PCDH9: variants seen among roughly 807,000 people sequenced by gnomAD.
The protein encoded by PCDH9 is protocadherin 9.
A neutral mutation model predicts 70.6 loss-of-function variants in PCDH9; 24 were observed. That is an observed-to-expected ratio of 0.34 (90% CI 0.25 to 0.48). The LOEUF (loss-of-function observed/expected upper bound fraction) is 0.48, where lower values mean the gene tolerates loss of function less well. Ranked by LOEUF, PCDH9 falls within the 20% of genes least tolerant of loss-of-function variation. The pLI is 0.99. For synonymous variants in PCDH9, 562 were observed against 558.5 expected (o/e 1.01, Z -0.09); for missense variants, 1,281 against 1,503.6 (o/e 0.85, Z 2.45).
chr13:66,893,476 T>A (rs988902209), intron 3 of PCDH9, among the ~76,000 whole-genome samples: 2 of 152,172 alleles, frequency 1.3e-5, no homozygotes, highest in African/African-American at 4.8e-5. Context: ...TCTTGATGCC[T>A]TCACTTATTC....
chr13:66,596,338 G>T (rs1162656240), intron 4 of PCDH9, among the ~76,000 whole-genome samples: 1 of 151,534 alleles, frequency 6.6e-6, no homozygotes, highest in African/African-American at 2.4e-5. Flanking sequence ...AAATTGAACA[G>T]TGTCCATTTG....
Position 67,150,365 on chromosome 13 carries a change from A to T in PCDH9, c.3036+75040T>A, listed in dbSNP as rs2138383586. On this transcript the variant is annotated intron_variant, in intron 2 of 4. Coordinates refer to ENST00000377865, the MANE Select transcript of PCDH9 (RefSeq NM_203487.3). ...AATTTGAGTTTTAATCAATACAAAA[A>T]GCCCAAAGTGTTGGTTTCCATACAA... is the stretch of plus-strand genomic sequence containing the variant. Among the ~76,000 whole-genome samples the T allele has an allele frequency of 2.0e-5, 3 of 152,314 alleles. 1 individual carries two copies. In the South Asian group the frequency reaches 6.2e-4, roughly 32 times the overall value.
At chr13:66,659,298 A>T (rs2077974106) in intron 3 of PCDH9, among the ~76,000 whole-genome samples, 2 of 152,178 alleles carry the variant, frequency 1.3e-5, no homozygotes, top group Admixed American at 6.5e-5. Context: ...ATAAGTATTG[A>T]CTAAATCATA....
chr13:66,835,558 A>C (rs1478981162), intron 3 of PCDH9, among the ~76,000 whole-genome samples: 3 of 152,344 alleles, frequency 2.0e-5, no homozygotes, highest in African/African-American at 7.2e-5. Context: ...GATGATCTGC[A>C]GTTCTATTTT....
At chr13:66,523,004 T>C (rs578243950) in intron 4 of PCDH9, among the ~76,000 whole-genome samples, 1 of 152,224 alleles carries the variant, frequency 6.6e-6, no homozygotes, top group Admixed American at 6.6e-5. Flanking sequence ...GGACTGAAAT[T>C]ACAGTCTCTG....
chr13:66,877,654 T>C (rs1207539139), intron 3 of PCDH9, among the ~76,000 whole-genome samples: 1 of 152,196 alleles, frequency 6.6e-6, no homozygotes, highest in Non-Finnish European at 1.5e-5. Context: ...AGGCATCTTA[T>C]GGTTAGTTTT....
rs578218229 is a variant in PCDH9, at chr13:67,105,228, C to T, written c.3036+120177G>A. On this transcript the variant is annotated intron_variant, in intron 2 of 4. Coordinates refer to ENST00000377865, the MANE Select transcript of PCDH9 (RefSeq NM_203487.3). ...GCAAAAGAACAAAAATATAGAAGAT[C>T]GTAATATTTTTGTTCTAAGAATAAA... Among the ~76,000 whole-genome samples the T allele has an allele frequency of 5.3e-5, 8 of 151,944 alleles. No homozygotes were observed. The South Asian group carries it at 8.4e-4, about 16-fold the overall frequency.
intron 3 of PCDH9, among the ~76,000 whole-genome samples, chr13:66,873,503 T>TTGTGGGCTTGATAG (rs2081736916): frequency 1.3e-5 from 2 of 152,200 alleles, no homozygotes; most frequent in Non-Finnish European, 2.9e-5. Flanking sequence ...GGGCTTGATA[T>TTGTGGGCTTGATAG]TCTACTGTGG....
At chr13:66,628,986 C>G (rs2077535150) in intron 4 of PCDH9, among the ~76,000 whole-genome samples, 1 of 152,164 alleles carries the variant, frequency 6.6e-6, no homozygotes, top group African/African-American at 2.4e-5. Context: ...AAATCTCTAA[C>G]TCAATTAGTT....
chr13:67,175,944 A>G (rs1290022402), intron 2 of PCDH9, among the ~76,000 whole-genome samples: 1 of 139,890 alleles, frequency 7.1e-6, no homozygotes, highest in East Asian at 2.1e-4. Context: ...CAAGTAAACC[A>G]TTAAAAAAAA....
intron 4 of PCDH9, among the ~76,000 whole-genome samples, chr13:66,433,069 AT>A (rs1220859920): frequency 6.6e-6 from 1 of 151,970 alleles, no homozygotes; most frequent in Non-Finnish European, 1.5e-5. Flanking sequence ...TATTGTTCTT[AT>A]TAATCTGTGA....
At chr13:67,084,917 A>C (rs2086065044) in intron 2 of PCDH9, among the ~76,000 whole-genome samples, 1 of 132,150 alleles carries the variant, frequency 7.6e-6, no homozygotes, top group South Asian at 2.7e-4. Context: ...CAGTGAGCCG[A>C]GATCACACCA....
At chr13:66,656,690 G>A (rs528021599) in intron 3 of PCDH9, among the ~76,000 whole-genome samples, 5 of 152,208 alleles carry the variant, frequency 3.3e-5, no homozygotes, top group South Asian at 2.1e-4. Flanking sequence ...AAAAGGAGCC[G>A]CTAAGAGTTA....
chr13:67,112,110 A>G (rs2086669945), intron 2 of PCDH9, among the ~76,000 whole-genome samples: 1 of 152,190 alleles, frequency 6.6e-6, no homozygotes, highest in Non-Finnish European at 1.5e-5. Flanking sequence ...ACTGACTTTC[A>G]TTAGAGCCAG....
At chr13:67,004,819 A>C (rs2084318122) in intron 2 of PCDH9, among the ~76,000 whole-genome samples, 1 of 152,026 alleles carries the variant, frequency 6.6e-6, no homozygotes. Context: ...GGAATGATTA[A>C]ATGAGATATT....
At chr13:67,179,858 G>T (rs956123323) in intron 2 of PCDH9, among the ~76,000 whole-genome samples, 4 of 152,048 alleles carry the variant, frequency 2.6e-5, no homozygotes, top group Non-Finnish European at 4.4e-5. Flanking sequence ...CAAAGTCAAG[G>T]TTAAGGGTAA....
intron 4 of PCDH9, among the ~76,000 whole-genome samples, chr13:66,512,266 A>G (rs1959511445): frequency 1.4e-5 from 2 of 145,852 alleles, no homozygotes; most frequent in East Asian, 4.0e-4. Context: ...CAAAATATAT[A>G]CAGATACCTT....
At chr13:66,442,831 T>C (rs955118356) in intron 4 of PCDH9, among the ~76,000 whole-genome samples, 1 of 152,332 alleles carries the variant, frequency 6.6e-6, no homozygotes, top group Middle Eastern at 3.4e-3. Flanking sequence ...CTCCAGGTTT[T>C]TGAGGTTTAG....
At chr13:66,902,227 G>A (rs954324831) in intron 3 of PCDH9, among the ~76,000 whole-genome samples, 1 of 151,528 alleles carries the variant, frequency 6.6e-6, no homozygotes. Flanking sequence ...ATATGCTGAA[G>A]TTTAGAAAAT....
Sources: gnomAD v4.1 joint callset for allele counts (sites outside exome capture counted in the v4.1 genomes callset) on GRCh38, gnomAD v4.1.1 for gene constraint, MANE v1.5 for transcripts, NCBI Gene and HGNC (gene_info 2026-07-23, HGNC 2026-07-21) for gene names.